ACOT12: variants seen among roughly 807,000 people sequenced by gnomAD.
ACOT12 encodes the protein acetyl-coenzyme A thioesterase.
ACOT12 carries 51 observed loss-of-function variants against 67.7 expected under a neutral mutation model. The ratio of observed to expected loss-of-function variants is 0.75; its 90% confidence interval spans 0.60 to 0.95. The LOEUF (loss-of-function observed/expected upper bound fraction) is 0.95, where lower values mean the gene tolerates loss of function less well. Among genes scored for constraint, ACOT12 ranks in the 40% least tolerant of loss-of-function variants. ACOT12 has a pLI of 0.00. For missense variants in ACOT12, 734 were observed against 708.1 expected (o/e 1.04, Z -0.41); for synonymous variants, 251 against 244.6 (o/e 1.03, Z -0.24).
chr5:81,393,980 C>T lies in ACOT12; in HGVS notation c.127+8G>A, dbSNP rs753896078. 1.9e-5 allele frequency: 25 copies of T among 1,346,918 alleles called. 1 individual carries two copies. In the South Asian group the frequency reaches 4.5e-4, roughly 24 times the overall value. The allele number at this position is 1,346,918 out of a possible 1,614,324, so 83.4% of individuals were successfully genotyped here. A position where few individuals can be genotyped will look rare whatever the true frequency, so the allele number is the denominator to read the frequency against. On this transcript the variant is annotated splice_region_variant and intron_variant, in intron 1 of 14. Transcript: ENST00000307624. ...CCGCGCCTCCCCGCAGCCCCGGCGC[C>T]CGCCTACCCGCCAGGCAGGCGGTGG...
intron 3 of ACOT12, among the ~76,000 whole-genome samples, chr5:81,368,196 G>A (rs1760140228): frequency 6.6e-6 from 1 of 152,240 alleles, no homozygotes; most frequent in South Asian, 2.1e-4. Flanking sequence ...AGAGGCTGAG[G>A]CAAGAGAATC....
At chr5:81,318,261 A>T in the ACOT12 span, among the ~76,000 whole-genome samples, 1 of 152,186 alleles carries the variant, frequency 6.6e-6, no homozygotes, top group Non-Finnish European at 1.5e-5. Context: ...GTGGATATCC[A>T]GTTTTCCCAG....
Position 81,388,996 on chromosome 5 carries a change from C to T in ACOT12, c.128-3170G>A, listed in dbSNP as rs563375478. Among the ~76,000 whole-genome samples the T allele has an allele frequency of 3.4e-4, 52 of 152,302 alleles. No individual in the cohort carries two copies. The Middle Eastern group carries it at 0.01, about 30-fold the overall frequency. On this transcript the variant is annotated intron_variant, in intron 1 of 14. Coordinates refer to ENST00000307624, the MANE Select transcript of ACOT12 (RefSeq NM_130767.3). ...CCCCACCCACATGGAACTGTGAGTC[C>T]GTTAAATCTCTTTTTCTTTATAAAT... is the stretch of plus-strand genomic sequence containing the variant.
At chr5:81,316,976 C>T in the ACOT12 span, among the ~76,000 whole-genome samples, 1 of 152,240 alleles carries the variant, frequency 6.6e-6, no homozygotes, top group Non-Finnish European at 1.5e-5. Context: ...TTATGATTTG[C>T]AAATGTTTTC....
At chr5:81,342,097 C>G (rs1759213509) in intron 11 of ACOT12, among the ~76,000 whole-genome samples, 1 of 152,002 alleles carries the variant, frequency 6.6e-6, no homozygotes, top group Non-Finnish European at 1.5e-5. Context: ...CTCAAGTGAT[C>G]CTCCCACCTC....
chr5:81,392,026 CAG>C (rs1237734206), intron 1 of ACOT12, among the ~76,000 whole-genome samples: 5 of 152,130 alleles, frequency 3.3e-5, no homozygotes, highest in Non-Finnish European at 7.3e-5. Context: ...GAGGATTACT[CAG>C]ATAGCTTCAA....
chr5:81,353,070 G>A (rs909857567), intron 5 of ACOT12, among the ~76,000 whole-genome samples: 2 of 152,152 alleles, frequency 1.3e-5, no homozygotes, highest in Non-Finnish European at 2.9e-5. Flanking sequence ...ACATTGTAAA[G>A]ACTCAAATAT....
the ACOT12 span, among the ~76,000 whole-genome samples, chr5:81,316,221 C>A: frequency 3.1e-3 from 475 of 152,330 alleles, 7 homozygotes; most frequent in East Asian, 0.037. Context: ...GGCTTTTAAT[C>A]TAGTCAGAGT....
chr5:81,394,101 GC>G lies in ACOT12; in HGVS notation c.13del (p.Ala5ArgfsTer7). 5 of 1,453,342 alleles carry G rather than the reference GC, an allele frequency of 3.4e-6. No individual in the cohort carries two copies. Among genetic ancestry groups the G allele is most frequent in the Non-Finnish European group, 3.6e-6 (4 of 1,107,762 alleles). 90.0% of individuals were successfully genotyped at this position (1,453,342 alleles called of 1,614,324 possible). ...TTGGCTCATGACCACCTCGCCGGGC[GC>G]CGGCCGCTCCATGGCCAGGGCGAGA... MERP[A>X]PGEVVMSQAI... On this transcript the variant is annotated frameshift_variant, in exon 1 of 15. Transcript: ENST00000307624. LOFTEE classifies it high-confidence loss of function.
the ACOT12 span, among the ~76,000 whole-genome samples, chr5:81,322,355 G>C: frequency 6.6e-6 from 1 of 151,852 alleles, no homozygotes; most frequent in Non-Finnish European, 1.5e-5. Context: ...GGTGTATAAT[G>C]TCTTTAATAT....
At chr5:81,374,204 G>T (rs894474994) in intron 2 of ACOT12, among the ~76,000 whole-genome samples, 12 of 152,186 alleles carry the variant, frequency 7.9e-5, no homozygotes, top group Non-Finnish European at 1.8e-4. Flanking sequence ...ACAGGGTCTG[G>T]AGTGGGCCTC....
At chr5:81,328,116 G>T, downstream of ACOT12, among the ~76,000 whole-genome samples, 1 of 151,960 alleles carries the variant, frequency 6.6e-6, no homozygotes. Context: ...ACTTTGCCTC[G>T]CCTAGTCCTT....
intron 1 of ACOT12, among the ~76,000 whole-genome samples, chr5:81,389,591 A>G (rs1760811481): frequency 6.6e-6 from 1 of 152,120 alleles, no homozygotes. Flanking sequence ...GTGGTGGCAC[A>G]ATCTTGGCTC....
At chr5:81,344,024 G>T in intron 9 of ACOT12, 136 bp downstream of exon 9, 1 of 1,227,356 alleles carries the variant, frequency 8.1e-7, no homozygotes, top group Non-Finnish European at 1.2e-6. Flanking sequence ...TAAGTCAGTA[G>T]TCAGCCTTTG....
intron 1 of ACOT12, among the ~76,000 whole-genome samples, chr5:81,389,055 T>C (rs1409582782): frequency 6.6e-6 from 1 of 152,160 alleles, no homozygotes; most frequent in Non-Finnish European, 1.5e-5. Context: ...ATCAGCAGCA[T>C]GAAAATGGAC....
chr5:81,354,453 G>A (rs1026610272), intron 5 of ACOT12, among the ~76,000 whole-genome samples: 10 of 152,102 alleles, frequency 6.6e-5, no homozygotes, highest in Non-Finnish European at 8.8e-5. Flanking sequence ...AGAAGAAGCC[G>A]GTGCAGCCAC....
chr5:81,313,309 C>G, the ACOT12 span: 2 of 152,084 alleles, frequency 1.3e-5, no homozygotes, highest in African/African-American at 4.8e-5. Context: ...ATAAAGGATT[C>G]CAAGTTACTG....
intron 3 of ACOT12, among the ~76,000 whole-genome samples, chr5:81,367,847 C>T (rs1039366746): frequency 6.6e-6 from 1 of 152,044 alleles, no homozygotes; most frequent in Non-Finnish European, 1.5e-5. Context: ...TACAAAAAGA[C>T]AGGTTAAGAG....
At chr5:81,390,665 G>A (rs369664106) in intron 1 of ACOT12, among the ~76,000 whole-genome samples, 2 of 150,710 alleles carry the variant, frequency 1.3e-5, no homozygotes, top group East Asian at 2.0e-4. Flanking sequence ...CACAACACCC[G>A]GCTAATTTTT....
Sources: gnomAD v4.1 joint callset for allele counts (sites outside exome capture counted in the v4.1 genomes callset) on GRCh38, gnomAD v4.1.1 for gene constraint, MANE v1.5 for transcripts, NCBI Gene and HGNC (gene_info 2026-07-23, HGNC 2026-07-21) for gene names.